Variants in CEP192 observed in about 807,000 individuals in gnomAD.
CEP192 encodes centrosomal protein of 192 kDa.
CEP192 carries 151 observed loss-of-function variants against 271.8 expected under a neutral mutation model. That is an observed-to-expected ratio of 0.56 (90% CI 0.49 to 0.64). The LOEUF is 0.64. Ranked by LOEUF, CEP192 falls within the 30% of genes least tolerant of loss-of-function variation. The pLI, the probability that CEP192 is intolerant of heterozygous loss-of-function variation, is 0.00. For missense variants in CEP192, 2,910 were observed against 3,020.5 expected (o/e 0.96, Z 0.86); for synonymous variants, 995 against 1,076.5 (o/e 0.92, Z 1.48).
rs562715084 is a variant in CEP192, at chr18:13,058,080, T to TA, written c.4257+360dup. ...ATTGAATATAAGTAACCATGACTTG[T>TA]AAAAAAAAAAAAAGAAAGCAGTTAC... On this transcript the variant is annotated intron_variant, in intron 20 of 44. Transcript: ENST00000506447. The TA allele has an allele frequency of 5.0e-3, 730 of 145,172 alleles. 9 individuals are homozygous for TA. The East Asian group carries it at 0.051, about 10-fold the overall frequency. The allele number at this position is 145,172 out of a possible 1,614,324, so 9.0% of individuals were successfully genotyped here.
Position 13,103,515 on chromosome 18 carries a change from G to C in CEP192, c.6878G>C (p.Cys2293Ser). Residue 2293 changes from cysteine (C) to serine (S), a missense_variant, in exon 39 of 45, where the codon TGT becomes TCT. Physicochemically the swap from Cys to Ser is moderately radical, Grantham distance 112. Transcript: ENST00000506447. The stretch of plus-strand genomic sequence containing the variant: ...ATATATGTGTTCCTTTTAGAGAGCT[G>C]TCTAGAACTCGAGAATCATGGCACC... Reference protein sequence around the residue: ...TTEPGETSESCLELENHGTTD... With the variant: ...TTEPGETSESSLELENHGTTD... 8 of 1,613,434 alleles carry C rather than the reference G, an allele frequency of 5.0e-6. No individual in the cohort carries two copies. Among genetic ancestry groups the C allele is most frequent in the Non-Finnish European group, 6.8e-6 (8 of 1,179,510 alleles).
Position 13,116,710 on chromosome 18 carries a change from T to C in CEP192, c.7416+207T>C, listed in dbSNP as rs549102923. On this transcript the variant is annotated intron_variant, in intron 43 of 44. Coordinates refer to ENST00000506447, the MANE Select transcript of CEP192 (RefSeq NM_032142.4). ...CTGCAAGCTCCACCTCCCGGGTTCATGCCATTCTCCTGCCTCAGCCTCCTG... is the reference window on the plus strand; with the variant it reads ...CTGCAAGCTCCACCTCCCGGGTTCACGCCATTCTCCTGCCTCAGCCTCCTG... Among the ~76,000 whole-genome samples, 491 of 152,136 alleles carry C rather than the reference T, an allele frequency of 3.2e-3. 2 individuals are homozygous for C. The highest frequency in any genetic ancestry group is 0.011 in the African/African-American group (471 of 41,518).
intron 30 of CEP192, among the ~76,000 whole-genome samples, chr18:13,078,132 G>A (rs2038388524): frequency 6.6e-6 from 1 of 152,018 alleles, no homozygotes; most frequent in South Asian, 2.1e-4. Context: ...TCCCTTCCCT[G>A]TGTCCATGTG....
intron 1 of CEP192, among the ~76,000 whole-genome samples, chr18:12,996,465 T>G (rs2033247603): frequency 1.3e-5 from 2 of 151,920 alleles, no homozygotes; most frequent in Non-Finnish European, 2.9e-5. Context: ...GACATCTAAG[T>G]GGAAGTGTTG....
chr18:13,052,514 A>G (rs995162917), intron 17 of CEP192, among the ~76,000 whole-genome samples: 1 of 152,200 alleles, frequency 6.6e-6, no homozygotes, highest in African/African-American at 2.4e-5. Flanking sequence ...CAAAAGTTGT[A>G]CCACTTGATA....
intron 39 of CEP192, 80 bp from the exon 40 acceptor site, chr18:13,104,904 G>A (rs777663737): frequency 1.9e-6 from 2 of 1,042,176 alleles, no homozygotes; most frequent in Non-Finnish European, 3.0e-6. Flanking sequence ...GTTCTCCGCA[G>A]CCATAGAGGT....
intron 24 of CEP192, 33 bp from the exon 25 acceptor site, chr18:13,068,819 G>T: frequency 1.2e-6 from 2 of 1,613,184 alleles, no homozygotes; most frequent in Non-Finnish European, 8.5e-7. Flanking sequence ...TAACTCTCTG[G>T]TCTCCAAGCT....
In CEP192 at chr18:13,049,347, T is replaced by A; in HGVS notation, c.2556T>A (p.Ser852Arg). The A allele has an allele frequency of 6.2e-7, 1 of 1,613,812 alleles. No homozygotes were observed. The highest frequency in any genetic ancestry group is 1.1e-5 in the South Asian group (1 of 91,068). ...TTGTTTATGTTGAAAATGGAGAGAG[T>A]GAGAATCAAGAGTCATTTAGAACCA... is the stretch of plus-strand genomic sequence containing the variant. Reference protein sequence around the residue: ...AAIVYVENGESENQESFRTIN... With the variant: ...AAIVYVENGERENQESFRTIN... The change falls in exon 16 of 45, where the codon AGT (serine) becomes AGA (arginine). Residue 852 changes from serine to arginine, a missense_variant. By Grantham distance (110) the Ser-to-Arg change is moderately radical. Transcript: ENST00000506447.
At chr18:13,006,208 T>G (rs1246885849) in intron 3 of CEP192, among the ~76,000 whole-genome samples, 4 of 152,172 alleles carry the variant, frequency 2.6e-5, no homozygotes, top group Admixed American at 2.6e-4. Flanking sequence ...GTAAGTTTCT[T>G]TTTTTCTCAT....
intron 15 of CEP192, among the ~76,000 whole-genome samples, chr18:13,043,231 A>G (rs1449556529): frequency 6.6e-6 from 1 of 152,200 alleles, no homozygotes; most frequent in Non-Finnish European, 1.5e-5. Flanking sequence ...TCCAATGGAC[A>G]GTTCGTTTTA....
In CEP192 at chr18:13,068,074, A is replaced by T. The variant is rs775295118; in HGVS notation, c.4615-20A>T. ...TTACACTGTTGGCTTTACTGAACTG[A>T]TTCTTGTATTTCTAAACAGAACGCT... On this transcript the variant is annotated intron_variant, in intron 22 of 44. Coordinates refer to ENST00000506447, the MANE Select transcript of CEP192 (RefSeq NM_032142.4). The T allele has an allele frequency of 1.9e-6, 3 of 1,613,598 alleles. No homozygotes were observed. The African/African-American group carries it at 4.0e-5, about 22-fold the overall frequency.
chr18:13,024,810 C>T (rs1324229230), intron 9 of CEP192, among the ~76,000 whole-genome samples: 1 of 150,580 alleles, frequency 6.6e-6, no homozygotes, highest in African/African-American at 2.5e-5. Flanking sequence ...CGCTCTGTTG[C>T]CCAGGCTCTA....
intron 44 of CEP192, among the ~76,000 whole-genome samples, chr18:13,121,916 T>C: frequency 6.6e-6 from 1 of 152,266 alleles, no homozygotes; most frequent in East Asian, 1.9e-4. Context: ...TTTATTACCT[T>C]TTTCAGTTTC....
intron 21 of CEP192, among the ~76,000 whole-genome samples, chr18:13,066,938 A>G (rs1328538268): frequency 6.6e-6 from 1 of 150,906 alleles, no homozygotes; most frequent in Non-Finnish European, 1.5e-5. Context: ...GTGTTTGGCT[A>G]GAGCAAAACA....
At position 13,087,662 on chromosome 18, in the gene CEP192, T is replaced by TA; in HGVS notation, c.5993+17dup. On this transcript the variant is annotated intron_variant, in intron 32 of 44. Transcript: ENST00000506447. ...AGTATCGCAGGTAGATTACTTATCT[T>TA]ACACAATGTTGGGAACCATTCAGCA... The TA allele has an allele frequency of 7.6e-7, 1 of 1,312,144 alleles. No individual in the cohort carries two copies. Among genetic ancestry groups the TA allele is most frequent in the Non-Finnish European group, 1.1e-6 (1 of 941,052 alleles). 81.3% of individuals were successfully genotyped at this position (1,312,144 alleles called of 1,614,324 possible).
intron 6 of CEP192, among the ~76,000 whole-genome samples, chr18:13,016,545 A>G (rs1464767597): frequency 6.6e-6 from 1 of 152,202 alleles, no homozygotes; most frequent in Non-Finnish European, 1.5e-5. Context: ...ATAAATAATC[A>G]TTGACCTGAA....
chr18:13,076,718 A>T (rs2038304636), intron 30 of CEP192, among the ~76,000 whole-genome samples: 2 of 152,214 alleles, frequency 1.3e-5, no homozygotes. Context: ...TGAAACTACC[A>T]GAGGTCACTT....
intron 44 of CEP192, among the ~76,000 whole-genome samples, chr18:13,123,490 G>A (rs773570417): frequency 2.7e-4 from 41 of 152,146 alleles, no homozygotes; most frequent in African/African-American, 9.2e-4. Flanking sequence ...ACCCAAGAGC[G>A]ACACTGCTGG....
rs533784255 is a variant in CEP192, at chr18:13,057,104, C to CT, written c.4108+410dup. 3.1e-3 allele frequency among the ~76,000 whole-genome samples: 473 copies of CT among 152,290 alleles called. 4 individuals are homozygous for CT. Among genetic ancestry groups the CT allele is most frequent in the Non-Finnish European group, 2.7e-3 (185 of 68,034 alleles). On this transcript the variant is annotated intron_variant, in intron 19 of 44. Coordinates refer to ENST00000506447, the MANE Select transcript of CEP192 (RefSeq NM_032142.4). Reference sequence around the variant, plus strand: ...GGGCAGCTTCTCTCTGGGAGCTGTGCTTTTACTGACATGGTGCACACGGCC... The same window carrying CT: ...GGGCAGCTTCTCTCTGGGAGCTGTGCTTTTTACTGACATGGTGCACACGGCC...
Sources: allele counts gnomAD v4.1 joint callset (sites outside exome capture counted in the v4.1 genomes callset), GRCh38; gene constraint gnomAD v4.1.1; transcripts MANE v1.5; gene names NCBI Gene and HGNC (gene_info 2026-07-23, HGNC 2026-07-21).